SMAD5: variants seen among roughly 807,000 people sequenced by gnomAD.
SMAD5 encodes SMAD family member 5.
Under a neutral mutation model 43.1 loss-of-function variants are expected in SMAD5, and 9 were observed. The ratio of observed to expected loss-of-function variants is 0.21; its 90% CI spans 0.13 to 0.36. The LOEUF (loss-of-function observed/expected upper bound fraction) is 0.36. Ranked by LOEUF, SMAD5 falls within the 10% of genes least tolerant of loss-of-function variation. The pLI is 1.00. For synonymous variants in SMAD5, 190 were observed against 192.4 expected (o/e 0.99, Z 0.10); for missense variants, 348 against 574.0 (o/e 0.61, Z 4.02).
intron 3 of SMAD5, among the ~76,000 whole-genome samples, chr5:136,154,898 C>G (rs1274968013): frequency 6.6e-6 from 1 of 152,120 alleles, no homozygotes; most frequent in African/African-American, 2.4e-5. Context: ...CTGTGTTTGG[C>G]CCCTAAGACA....
At chr5:136,171,692 A>G (rs1186597855) in intron 5 of SMAD5, among the ~76,000 whole-genome samples, 1 of 152,214 alleles carries the variant, frequency 6.6e-6, no homozygotes, top group African/African-American at 2.4e-5. Context: ...CAAGTCTCGT[A>G]TGTCATATGT....
intron 1 of SMAD5, among the ~76,000 whole-genome samples, chr5:136,135,956 C>T (rs1013166129): frequency 6.6e-6 from 1 of 152,178 alleles, no homozygotes; most frequent in African/African-American, 2.4e-5. Flanking sequence ...TGCCCGTCTT[C>T]TCATAGGGTC....
At chr5:136,157,330 A>G (rs746911272) in intron 3 of SMAD5, among the ~76,000 whole-genome samples, 26 of 152,168 alleles carry the variant, frequency 1.7e-4, no homozygotes, top group Admixed American at 3.9e-4. Context: ...GTTTAGTTGA[A>G]TACAGTGCAC....
intron 3 of SMAD5, among the ~76,000 whole-genome samples, chr5:136,156,453 G>A (rs577842914): frequency 6.6e-6 from 1 of 152,234 alleles, no homozygotes; most frequent in East Asian, 1.9e-4. Flanking sequence ...AATAACATTG[G>A]ATGTGGAGAC....
chr5:136,143,031 A>G (rs1580764355), intron 1 of SMAD5, among the ~76,000 whole-genome samples: 1 of 151,982 alleles, frequency 6.6e-6, no homozygotes. Context: ...CATCTCTCCA[A>G]TTCATATGAT....
chr5:136,160,770 A>C, intron 3 of SMAD5, 86 bp from the exon 4 acceptor site: 1 of 1,340,874 alleles, frequency 7.5e-7, no homozygotes, highest in South Asian at 1.3e-5. Context: ...ACAGTCTTAC[A>C]TGAATCCTTT....
At chr5:136,159,839 A>G (rs1753767952) in intron 3 of SMAD5, among the ~76,000 whole-genome samples, 1 of 152,268 alleles carries the variant, frequency 6.6e-6, no homozygotes, top group African/African-American at 2.4e-5. Flanking sequence ...ATTGTTGTGT[A>G]CATCCCTACT....
intron 5 of SMAD5, among the ~76,000 whole-genome samples, chr5:136,163,880 G>C (rs1291704749): frequency 6.6e-6 from 1 of 151,984 alleles, no homozygotes; most frequent in Non-Finnish European, 1.5e-5. Context: ...TCCGTATTTT[G>C]ATTATTATAA....
chr5:136,136,655 G>A (rs959428851), intron 1 of SMAD5, among the ~76,000 whole-genome samples: 2 of 152,150 alleles, frequency 1.3e-5, no homozygotes, highest in African/African-American at 4.8e-5. Context: ...CTGGAAAGAT[G>A]GGGTAATTAC....
chr5:136,141,183 A>G (rs1287781744), intron 1 of SMAD5, among the ~76,000 whole-genome samples: 1 of 152,180 alleles, frequency 6.6e-6, no homozygotes, highest in Admixed American at 6.5e-5. Flanking sequence ...AGAAAATGGC[A>G]TTTGTAATAT....
chr5:136,177,306 G>T, intron 7 of SMAD5, 31 bp from the exon 8 acceptor site: 3 of 1,610,380 alleles, frequency 1.9e-6, no homozygotes, highest in Non-Finnish European at 2.5e-6. Context: ...TTTAAAGAGG[G>T]ATTTGTGATG....
intron 1 of SMAD5, among the ~76,000 whole-genome samples, chr5:136,135,974 T>G (rs1752860641): frequency 6.6e-6 from 1 of 152,210 alleles, no homozygotes; most frequent in African/African-American, 2.4e-5. Flanking sequence ...GTCAAAGACA[T>G]TGAGTAAGAT....
chr5:136,136,908 G>T (rs750220313), intron 1 of SMAD5, among the ~76,000 whole-genome samples: 7 of 152,104 alleles, frequency 4.6e-5, no homozygotes, highest in Non-Finnish European at 1.0e-4. Flanking sequence ...CGTTGGCCAG[G>T]CTGGTCTCGA....
Position 136,181,654 on chromosome 5 carries a change from A to G in SMAD5, c.*4174A>G, listed in dbSNP as rs547430609. On this transcript the variant is annotated 3_prime_UTR_variant, in exon 8 of 8. Transcript: ENST00000545279. ...AGAATTGAAGGCATTTCTTCTGCAT[A>G]AACAAAGAATTCTACCTGCTGGACA... is the stretch of plus-strand genomic sequence containing the variant. The G allele has an allele frequency of 6.6e-6, 1 of 152,306 alleles. No homozygotes were observed. Among genetic ancestry groups the G allele is most frequent in the East Asian group, 1.9e-4 (1 of 5,186 alleles). 9.4% of individuals were successfully genotyped at this position (152,306 alleles called of 1,614,324 possible). A position where few individuals can be genotyped will look rare whatever the true frequency, so the allele number is the denominator to read the frequency against.
At chr5:136,156,048 G>A (rs1753625107) in intron 3 of SMAD5, among the ~76,000 whole-genome samples, 1 of 152,122 alleles carries the variant, frequency 6.6e-6, no homozygotes, top group African/African-American at 2.4e-5. Flanking sequence ...TGGGTCCTTT[G>A]CAAGGCGCTG....
chr5:136,174,313 A>T, intron 6 of SMAD5, 63 bp from the exon 7 acceptor site: 7 of 1,495,876 alleles, frequency 4.7e-6, no homozygotes, highest in Non-Finnish European at 6.5e-6. Flanking sequence ...TGCACCATAC[A>T]GTCTATTTGG....
At chr5:136,164,595 T>G (rs1753933078) in intron 5 of SMAD5, among the ~76,000 whole-genome samples, 1 of 152,336 alleles carries the variant, frequency 6.6e-6, no homozygotes, top group East Asian at 1.9e-4. Context: ...TTGTAAGAAT[T>G]TTTTGTATAT....
rs35464260 is a variant in SMAD5 at position 136,179,468 on chromosome 5, GA to G, written c.*1998del. Reference sequence around the variant, plus strand: ...ACTTTGTCCTTTCTGCTCTTGTGAAGAAAAAAAAAAGCATTTTCGAGGAAAG... The same window carrying G: ...ACTTTGTCCTTTCTGCTCTTGTGAAGAAAAAAAAAGCATTTTCGAGGAAAG... On this transcript the variant is annotated 3_prime_UTR_variant, in exon 8 of 8. Transcript: ENST00000545279. 1.5e-4 allele frequency: 22 copies of G among 148,562 alleles called. No homozygotes were observed. In the South Asian group the frequency reaches 1.7e-3, roughly 12 times the overall value. The allele number at this position is 148,562 out of a possible 1,614,324, so 9.2% of individuals were successfully genotyped here.
Position 136,178,209 on chromosome 5 carries a change from G to A in SMAD5, c.*729G>A, listed in dbSNP as rs1754495192. On this transcript the variant is annotated 3_prime_UTR_variant, in exon 8 of 8. Coordinates refer to ENST00000545279, the MANE Select transcript of SMAD5 (RefSeq NM_005903.7). ...AGTATATGTCATTTACTCAAAATCT[G>A]TCATAAGCATTACTTTATAGCTAGT... The A allele has an allele frequency of 6.6e-6, 1 of 152,574 alleles. No homozygotes were observed. Among genetic ancestry groups the A allele is most frequent in the Non-Finnish European group, 1.5e-5 (1 of 68,040 alleles). The allele number at this position is 152,574 out of a possible 1,614,324, so 9.5% of individuals were successfully genotyped here. A position where few individuals can be genotyped will look rare whatever the true frequency, so the allele number is the denominator to read the frequency against.
Sources: allele counts gnomAD v4.1 joint callset (sites outside exome capture counted in the v4.1 genomes callset), GRCh38; gene constraint gnomAD v4.1.1; transcripts MANE v1.5; gene names NCBI Gene and HGNC (gene_info 2026-07-23, HGNC 2026-07-21).